Variants in ZFAND3 observed in about 807,000 individuals in gnomAD.
ZFAND3 encodes the protein zinc finger AN1-type containing 3, also known as AN1-type zinc finger protein 3.
ZFAND3 carries 10 observed loss-of-function variants against 29.6 expected under a neutral mutation model. The ratio of observed to expected loss-of-function variants is 0.34; its 90% CI spans 0.21 to 0.57. The LOEUF is 0.57. Ranked by LOEUF, ZFAND3 falls within the 20% of genes least tolerant of loss-of-function variation. The pLI is 0.86. For missense variants in ZFAND3, 230 were observed against 304.5 expected (o/e 0.76, Z 1.82); for synonymous variants, 128 against 112.6 (o/e 1.14, Z -0.87).
At chr6:37,847,779 AATG>A (rs1253668550) in intron 1 of ZFAND3, among the ~76,000 whole-genome samples, 1 of 152,206 alleles carries the variant, frequency 6.6e-6, no homozygotes, top group African/African-American at 2.4e-5. Context: ...TTTTTATAAG[AATG>A]ATGTTACGTT....
chr6:37,936,931 A>G (rs1761708839), intron 2 of ZFAND3, among the ~76,000 whole-genome samples: 1 of 152,238 alleles, frequency 6.6e-6, no homozygotes, highest in Non-Finnish European at 1.5e-5. Flanking sequence ...AGATAAGCCA[A>G]AATGCTAACA....
chr6:37,852,761 G>A (rs1246801873), intron 1 of ZFAND3, among the ~76,000 whole-genome samples: 4 of 150,236 alleles, frequency 2.7e-5, no homozygotes, highest in Non-Finnish European at 5.9e-5. Flanking sequence ...TGTTGCCCAG[G>A]CTGCAGTGCA....
At chr6:37,949,044 T>C (rs1243264552) in intron 2 of ZFAND3, among the ~76,000 whole-genome samples, 2 of 152,204 alleles carry the variant, frequency 1.3e-5, no homozygotes, top group African/African-American at 2.4e-5. Flanking sequence ...TCCAAACTGC[T>C]TTCTTCAGTG....
chr6:38,124,867 A>T (rs977283296), intron 5 of ZFAND3, among the ~76,000 whole-genome samples: 1 of 152,206 alleles, frequency 6.6e-6, no homozygotes, highest in Admixed American at 6.5e-5. Flanking sequence ...GGCTGCCAGC[A>T]CGCTGTCACC....
intron 4 of ZFAND3, among the ~76,000 whole-genome samples, chr6:38,102,705 C>T (rs1171321162): frequency 2.0e-5 from 3 of 152,156 alleles, no homozygotes; most frequent in African/African-American, 4.8e-5. Context: ...CTAGGCTTCA[C>T]GTAACTACAG....
At chr6:37,911,585 A>G (rs935706120) in intron 1 of ZFAND3, among the ~76,000 whole-genome samples, 1 of 152,160 alleles carries the variant, frequency 6.6e-6, no homozygotes, top group Admixed American at 6.5e-5. Flanking sequence ...AGTTGTCCTG[A>G]CCATGCTTGG....
At chr6:37,856,904 T>C (rs1764393768) in intron 1 of ZFAND3, among the ~76,000 whole-genome samples, 1 of 151,942 alleles carries the variant, frequency 6.6e-6, no homozygotes, top group South Asian at 2.1e-4. Flanking sequence ...CACATAAACA[T>C]CGCAAAATCT....
At chr6:38,026,068 G>C (rs1763441301) in intron 2 of ZFAND3, among the ~76,000 whole-genome samples, 1 of 152,094 alleles carries the variant, frequency 6.6e-6, no homozygotes, top group Non-Finnish European at 1.5e-5. Flanking sequence ...CAATAAAGCT[G>C]TTACAAAAAT....
chr6:38,045,073 TA>T (rs1230088495), intron 2 of ZFAND3, among the ~76,000 whole-genome samples: 1 of 143,126 alleles, frequency 7.0e-6, no homozygotes, highest in African/African-American at 2.5e-5. Flanking sequence ...TTTATTTATT[TA>T]TTTATTTATT....
intron 2 of ZFAND3, among the ~76,000 whole-genome samples, chr6:37,970,762 G>A (rs1045582113): frequency 4.6e-5 from 7 of 152,174 alleles, no homozygotes; most frequent in East Asian, 1.9e-4. Context: ...AAAATTAGCC[G>A]GCCGTGGTGG....
intron 1 of ZFAND3, among the ~76,000 whole-genome samples, chr6:37,856,872 A>AT (rs1463774200): frequency 6.6e-6 from 1 of 152,064 alleles, no homozygotes; most frequent in Non-Finnish European, 1.5e-5. Context: ...GATTTGACAA[A>AT]TTATTAAAAA....
rs535100199 is a variant in ZFAND3 at position 38,070,317 on chromosome 6, G to A, written c.295+8542G>A. 7.2e-5 allele frequency among the ~76,000 whole-genome samples: 11 copies of A among 151,940 alleles called. No individual in the cohort carries two copies. The East Asian group carries it at 2.1e-3, about 29-fold the overall frequency. ...CAGGCCCCTGTAATTCCAGCTACTC[G>A]GGGGGCTGAGGCAGGAGAATCGCTT... On this transcript the variant is annotated intron_variant, in intron 3 of 5. Coordinates refer to ENST00000287218, the MANE Select transcript of ZFAND3 (RefSeq NM_021943.3).
intron 2 of ZFAND3, among the ~76,000 whole-genome samples, chr6:37,986,602 A>AC (rs760606866): frequency 6.6e-6 from 1 of 151,936 alleles, no homozygotes; most frequent in Non-Finnish European, 1.5e-5. Flanking sequence ...CTACCTCCCA[A>AC]CCCCGTCTGT....
intron 2 of ZFAND3, among the ~76,000 whole-genome samples, chr6:38,041,631 TTTCTTCTTCTTC>T (rs1193585476): frequency 3.0e-3 from 171 of 56,244 alleles, no homozygotes; most frequent in African/African-American, 8.8e-3. Flanking sequence ...TTATCTACTT[TTTCTTCTTCTTC>T]TTCTTCTTCT....
At chr6:37,955,290 GT>G (rs1762068629) in intron 2 of ZFAND3, among the ~76,000 whole-genome samples, 1 of 152,204 alleles carries the variant, frequency 6.6e-6, no homozygotes, top group South Asian at 2.1e-4. Flanking sequence ...TTAGCTAGAA[GT>G]GGAAGTCCTC....
At chr6:37,876,270 TC>T (rs1177672751) in intron 1 of ZFAND3, among the ~76,000 whole-genome samples, 2 of 152,176 alleles carry the variant, frequency 1.3e-5, no homozygotes, top group Non-Finnish European at 2.9e-5. Context: ...ACTTTTAGAA[TC>T]CCGTAGGCAT....
Position 37,977,777 on chromosome 6 carries a change from GT to G in ZFAND3, c.112+47792del, listed in dbSNP as rs750389527. 7.3e-4 allele frequency among the ~76,000 whole-genome samples: 84 copies of G among 115,764 alleles called. 1 individual carries two copies. Among genetic ancestry groups the G allele is most frequent in the Middle Eastern group, 4.6e-3 (1 of 218 alleles). 75.9% of individuals were successfully genotyped at this position (115,764 alleles called of 152,430 possible). On this transcript the variant is annotated intron_variant, in intron 2 of 5. Coordinates refer to ENST00000287218, the MANE Select transcript of ZFAND3 (RefSeq NM_021943.3). ...TTATTTCTGGTTTGCTGAGTTTTTTGTTTTTTTTTTTTTTCAAATGAAGAAT... is the reference window on the plus strand; with the variant it reads ...TTATTTCTGGTTTGCTGAGTTTTTTGTTTTTTTTTTTTTCAAATGAAGAAT...
chr6:37,931,270 G>C (rs1283425798), intron 2 of ZFAND3, among the ~76,000 whole-genome samples: 2 of 152,202 alleles, frequency 1.3e-5, no homozygotes, highest in African/African-American at 4.8e-5. Flanking sequence ...CCTATCTTCA[G>C]ATGCTGGCTA....
intron 1 of ZFAND3, among the ~76,000 whole-genome samples, chr6:37,829,620 A>G (rs899868858): frequency 6.6e-6 from 1 of 152,200 alleles, no homozygotes; most frequent in African/African-American, 2.4e-5. Context: ...AGAAACTTTT[A>G]ATTTTTTTTA....
Sources: gnomAD v4.1 joint callset for allele counts (sites outside exome capture counted in the v4.1 genomes callset) on GRCh38, gnomAD v4.1.1 for gene constraint, MANE v1.5 for transcripts, NCBI Gene and HGNC (gene_info 2026-07-23, HGNC 2026-07-21) for gene names.